Variants in PPM1A observed in about 807,000 individuals in gnomAD.
PPM1A encodes protein phosphatase, Mg2+/Mn2+ dependent 1A, also known as protein phosphatase 1A.
PPM1A carries 7 observed loss-of-function variants against 35.0 expected under a neutral mutation model. That is an observed-to-expected ratio of 0.20 (90% CI 0.11 to 0.38). PPM1A has a LOEUF of 0.38. Ranked by LOEUF, PPM1A falls within the 10% of genes least tolerant of loss-of-function variation. The pLI is 1.00. For synonymous variants in PPM1A, 153 were observed against 167.3 expected (o/e 0.91, Z 0.66); for missense variants, 239 against 467.8 (o/e 0.51, Z 4.51).
chr14:60,282,535 C>A lies in PPM1A; in HGVS notation c.-20-149C>A. ...TTTCCCCCAGTTCCTCCTTGTTAATCTCCAGATTCCAAGTCAGCAACACAA... is the reference window on the plus strand; with the variant it reads ...TTTCCCCCAGTTCCTCCTTGTTAATATCCAGATTCCAAGTCAGCAACACAA... On this transcript the variant is annotated intron_variant, in intron 1 of 5. Coordinates refer to ENST00000395076, the MANE Select transcript of PPM1A (RefSeq NM_021003.5). The surrounding 1 kb of genome is among the most constrained non-coding windows in gnomAD (Gnocchi z 5.1). The A allele has an allele frequency of 9.8e-7, 1 of 1,024,242 alleles. No homozygotes were observed. The highest frequency in any genetic ancestry group is 1.4e-6 in the Non-Finnish European group (1 of 719,942). The allele number at this position is 1,024,242 out of a possible 1,614,324, so 63.4% of individuals were successfully genotyped here. A position where few individuals can be genotyped will look rare whatever the true frequency, so the allele number is the denominator to read the frequency against.
Position 60,295,454 on chromosome 14 carries a change from C to G in PPM1A, c.*2972C>G, listed in dbSNP as rs886379831. On this transcript the variant is annotated 3_prime_UTR_variant, in exon 6 of 6. Transcript: ENST00000395076. ...TTCTAGAGTACTTAATGCAACTGCT[C>G]TAGCCACTTAATTTTTTATACTAAT... The G allele has an allele frequency of 5.3e-5, 8 of 151,680 alleles. No homozygotes were observed. The highest frequency in any genetic ancestry group is 7.4e-5 in the Non-Finnish European group (5 of 67,722). 9.4% of individuals were successfully genotyped at this position (151,680 alleles called of 1,614,324 possible). A position where few individuals can be genotyped will look rare whatever the true frequency, so the allele number is the denominator to read the frequency against.
At chr14:60,246,425 T>C (rs1881787536), upstream of PPM1A, among the ~76,000 whole-genome samples, 1 of 152,218 alleles carries the variant, frequency 6.6e-6, no homozygotes, top group East Asian at 1.9e-4. Context: ...ATCTTGTAGA[T>C]AATCTTTTTC....
At position 60,286,069 on chromosome 14, in the gene PPM1A, G is replaced by T. The variant is rs911429523; in HGVS notation, c.952+328G>T. 1.4e-5 allele frequency: 14 copies of T among 1,005,358 alleles called. No homozygotes were observed. The African/African-American group carries it at 2.2e-4, about 16-fold the overall frequency. The allele number at this position is 1,005,358 out of a possible 1,614,324, so 62.3% of individuals were successfully genotyped here. On this transcript the variant is annotated intron_variant, in intron 3 of 5. Coordinates refer to ENST00000395076, the MANE Select transcript of PPM1A (RefSeq NM_021003.5). The stretch of plus-strand genomic sequence containing the variant: ...TTTATGCCGGGAAAATCTGATTTGT[G>T]GTCTATTTAATTACAAAGAGATTGT...
At chr14:60,291,347 C>T in intron 4 of PPM1A, 50 bp from the exon 5 acceptor site, 2 of 1,305,604 alleles carry the variant, frequency 1.5e-6, no homozygotes, top group African/African-American at 1.5e-5. Flanking sequence ...AGTTACTAAG[C>T]AATGTTTTGC....
intron 2 of PPM1A, among the ~76,000 whole-genome samples, chr14:60,284,468 C>T (rs976664121): frequency 2.6e-5 from 4 of 151,870 alleles, no homozygotes; most frequent in Non-Finnish European, 4.4e-5. Context: ...AGTGAAACCC[C>T]GTCTCTACTA....
Position 60,293,512 on chromosome 14 carries a change from C to T in PPM1A, c.*1030C>T, listed in dbSNP as rs546544905. On this transcript the variant is annotated 3_prime_UTR_variant, in exon 6 of 6. Coordinates refer to ENST00000395076, the MANE Select transcript of PPM1A (RefSeq NM_021003.5). This position sits in a 1 kb window ranked among gnomAD's most constrained non-coding sequence, Gnocchi z 4.0. ...TGAAACTTTCCTTCCATTAGAAAGACTAAAAGATTTAATTCTTGGTTGTAC... is the reference window on the plus strand; with the variant it reads ...TGAAACTTTCCTTCCATTAGAAAGATTAAAAGATTTAATTCTTGGTTGTAC... The T allele has an allele frequency of 4.2e-4, 64 of 152,088 alleles. No homozygotes were observed. The highest frequency in any genetic ancestry group is 6.8e-3 in the Middle Eastern group (2 of 294). The allele number at this position is 152,088 out of a possible 1,614,324, so 9.4% of individuals were successfully genotyped here. A position where few individuals can be genotyped will look rare whatever the true frequency, so the allele number is the denominator to read the frequency against.
chr14:60,249,175 G>A, upstream of PPM1A: 2 of 951,116 alleles, frequency 2.1e-6, no homozygotes, highest in Admixed American at 6.2e-5. This position sits in a 1 kb window ranked among gnomAD's most constrained non-coding sequence, Gnocchi z 4.5. Context: ...CGGAGGGGTG[G>A]GGGAGGGGCG....
At chr14:60,270,333 T>G (rs554493714) in intron 1 of PPM1A, among the ~76,000 whole-genome samples, 2 of 152,298 alleles carry the variant, frequency 1.3e-5, no homozygotes, top group South Asian at 4.1e-4. Flanking sequence ...TTAGGTTTTT[T>G]AAAATTTTCT....
chr14:60,287,464 T>C lies in PPM1A; in HGVS notation c.952+1723T>C, dbSNP rs572944859. The C allele has an allele frequency of 5.0e-5, 49 of 985,078 alleles. 1 individual carries two copies. In the South Asian group the frequency reaches 1.7e-3, roughly 35 times the overall value. 61.0% of individuals were successfully genotyped at this position (985,078 alleles called of 1,614,324 possible). ...TTAAAATTGCTGCTATTTTAAAACA[T>C]AGAATGTAACTGTTTGTATTGTAAA... On this transcript the variant is annotated intron_variant, in intron 3 of 5. Transcript: ENST00000395076.
chr14:60,286,311 A>T (rs760535053), intron 3 of PPM1A: 2 of 985,702 alleles, frequency 2.0e-6, no homozygotes, highest in Admixed American at 6.1e-5. Context: ...AAGACATAAT[A>T]TTTCTCCACC....
intron 1 of PPM1A, among the ~76,000 whole-genome samples, chr14:60,265,550 G>C (rs1456485660): frequency 6.6e-6 from 1 of 152,178 alleles, no homozygotes; most frequent in African/African-American, 2.4e-5. Flanking sequence ...ACATTAAAAT[G>C]TTTGGAACAG....
upstream of PPM1A, among the ~76,000 whole-genome samples, chr14:60,247,621 CTG>C (rs1214506942): frequency 8.1e-5 from 8 of 98,614 alleles, no homozygotes; most frequent in Non-Finnish European, 1.1e-4. Flanking sequence ...GAGCGAGACT[CTG>C]TCTCAAAAAA....
At chr14:60,284,758 T>C (rs1022175107) in intron 2 of PPM1A, among the ~76,000 whole-genome samples, 8 of 149,438 alleles carry the variant, frequency 5.4e-5, no homozygotes, top group Non-Finnish European at 1.0e-4. Context: ...TAGCATATAA[T>C]ACATGCTACA....
intron 1 of PPM1A, among the ~76,000 whole-genome samples, chr14:60,276,731 G>A (rs183319371): frequency 9.2e-5 from 14 of 152,240 alleles, no homozygotes; most frequent in African/African-American, 2.6e-4. Flanking sequence ...GGGCTAACAT[G>A]TTGCATAGGG....
chr14:60,248,933 G>A (rs1881975047), upstream of PPM1A, among the ~76,000 whole-genome samples: 1 of 152,180 alleles, frequency 6.6e-6, no homozygotes, highest in Non-Finnish European at 1.5e-5. Flanking sequence ...GCTGCTATCC[G>A]GGATCCGGAC....
chr14:60,295,942 T>C lies in PPM1A; in HGVS notation c.*3460T>C, dbSNP rs1010909376. The C allele has an allele frequency of 2.0e-5, 3 of 151,646 alleles. No individual in the cohort carries two copies. Among genetic ancestry groups the C allele is most frequent in the African/African-American group, 7.2e-5 (3 of 41,388 alleles). The allele number at this position is 151,646 out of a possible 1,614,324, so 9.4% of individuals were successfully genotyped here. A position where few individuals can be genotyped will look rare whatever the true frequency, so the allele number is the denominator to read the frequency against. ...AAGAAAATTTTGCTTAGCATAAGAA[T>C]AAAATTGGACTGAAGAGGCTTAAGC... is the stretch of plus-strand genomic sequence containing the variant. On this transcript the variant is annotated 3_prime_UTR_variant, in exon 6 of 6. Transcript: ENST00000395076.
chr14:60,281,068 T>C (rs963612468), intron 1 of PPM1A, among the ~76,000 whole-genome samples: 6 of 152,208 alleles, frequency 3.9e-5, no homozygotes, highest in Non-Finnish European at 7.3e-5. Context: ...GTTGAAGAGA[T>C]TAAATGAAGT....
chr14:60,266,229 A>C (rs986009423), intron 1 of PPM1A, among the ~76,000 whole-genome samples: 5 of 151,966 alleles, frequency 3.3e-5, no homozygotes, highest in Non-Finnish European at 7.4e-5. Flanking sequence ...CTTTTCCTTT[A>C]AGGTGTTCAT....
rs1161034036 is a variant in PPM1A at position 60,285,511 on chromosome 14, A to G, written c.835-113A>G. The G allele has an allele frequency of 2.6e-6, 3 of 1,173,034 alleles. No homozygotes were observed. In the African/African-American group the frequency reaches 4.7e-5, roughly 18 times the overall value. 72.7% of individuals were successfully genotyped at this position (1,173,034 alleles called of 1,614,324 possible). On this transcript the variant is annotated intron_variant, in intron 2 of 5. Coordinates refer to ENST00000395076, the MANE Select transcript of PPM1A (RefSeq NM_021003.5). ...ACATATGTATTTTTTTCTCCCTGAA[A>G]GTAACATTTTCACTAGAACAAGTAT... is the stretch of plus-strand genomic sequence containing the variant.
Sources: gnomAD v4.1 joint callset for allele counts (sites outside exome capture counted in the v4.1 genomes callset) on GRCh38, gnomAD v4.1.1 for gene constraint, Gnocchi (gnomAD v3.1) non-coding constraint, MANE v1.5 for transcripts, NCBI Gene and HGNC (gene_info 2026-07-23, HGNC 2026-07-21) for gene names.